Variants in SHANK2 observed in about 807,000 individuals in gnomAD.
The protein encoded by SHANK2 is SH3 and multiple ankyrin repeat domains 2.
Under a neutral mutation model 133.7 loss-of-function variants are expected in SHANK2, and 43 were observed. The ratio of observed to expected loss-of-function variants is 0.32; its 90% confidence interval spans 0.25 to 0.41. SHANK2 has a LOEUF of 0.41. Ranked by LOEUF, SHANK2 falls within the 10% of genes least tolerant of loss-of-function variation. The pLI is 1.00. For missense variants in SHANK2, 1,994 were observed against 2,235.8 expected (o/e 0.89, Z 2.18); for synonymous variants, 1,017 against 952.8 (o/e 1.07, Z -1.24).
intron 11 of SHANK2, among the ~76,000 whole-genome samples, chr11:70,849,625 T>A (rs1949052916): frequency 6.6e-6 from 1 of 152,212 alleles, no homozygotes; most frequent in Admixed American, 6.5e-5. Context: ...AATATACATG[T>A]TAGCATGCAG....
intron 25 of SHANK2, among the ~76,000 whole-genome samples, chr11:70,483,630 G>A (rs1431280529): frequency 6.6e-6 from 1 of 151,616 alleles, no homozygotes; most frequent in Non-Finnish European, 1.5e-5. Context: ...TGTGAGGATT[G>A]CTTAAGCCCA....
chr11:70,489,542 G>T (rs890536404), intron 23 of SHANK2, 194 bp from the exon 24 acceptor site: 18 of 646,506 alleles, frequency 2.8e-5, no homozygotes, highest in Non-Finnish European at 4.8e-5. Flanking sequence ...GCAGCCCAGA[G>T]GCATTTCCAG....
At chr11:70,663,912 T>C (rs11237107) in intron 15 of SHANK2, among the ~76,000 whole-genome samples, 5,559 of 152,284 alleles carry the variant, frequency 0.037, 353 homozygotes, top group African/African-American at 0.13. Context: ...TCAGTTTCCC[T>C]GCACAGCAAG....
At chr11:70,523,736 G>T (rs555318318) in intron 17 of SHANK2, among the ~76,000 whole-genome samples, 1 of 152,302 alleles carries the variant, frequency 6.6e-6, no homozygotes, top group East Asian at 1.9e-4. Flanking sequence ...CGAATCAGGG[G>T]CTGTACGGGA....
chr11:70,585,331 C>G (rs1164681313), intron 17 of SHANK2, among the ~76,000 whole-genome samples: 1 of 152,158 alleles, frequency 6.6e-6, no homozygotes, highest in Non-Finnish European at 1.5e-5. Context: ...GAATTTGGGA[C>G]CAGTGACAAT....
intron 1 of SHANK2, among the ~76,000 whole-genome samples, chr11:71,233,501 T>C (rs545489598): frequency 8.6e-4 from 131 of 152,226 alleles, no homozygotes; most frequent in Middle Eastern, 3.4e-3. Flanking sequence ...GCAATGCTGA[T>C]GGTTTTGGCG....
At chr11:70,876,608 CACGCACACACACACAT>C (rs1194782039) in intron 11 of SHANK2, among the ~76,000 whole-genome samples, 6 of 150,060 alleles carry the variant, frequency 4.0e-5, no homozygotes, top group African/African-American at 1.5e-4. Context: ...CACACACACA[CACGCACACACACACAT>C]GCATACACAT....
intron 14 of SHANK2, among the ~76,000 whole-genome samples, chr11:70,787,520 A>G (rs1270194375): frequency 6.8e-6 from 1 of 147,436 alleles, no homozygotes; most frequent in African/African-American, 2.5e-5. Flanking sequence ...CATCACCAAG[A>G]CCACCACCAC....
intron 10 of SHANK2, among the ~76,000 whole-genome samples, chr11:70,908,362 A>T (rs1950139304): frequency 6.6e-6 from 1 of 152,224 alleles, no homozygotes; most frequent in Admixed American, 6.5e-5. Flanking sequence ...ATCCCCCAGC[A>T]GACCAGGCTG....
chr11:70,767,899 C>T (rs1441542613), intron 14 of SHANK2, among the ~76,000 whole-genome samples: 1 of 152,154 alleles, frequency 6.6e-6, no homozygotes, highest in Non-Finnish European at 1.5e-5. Flanking sequence ...CTCAGATATG[C>T]CAGTGCTCCC....
intron 14 of SHANK2, among the ~76,000 whole-genome samples, chr11:70,723,497 A>G (rs1199113768): frequency 1.3e-5 from 2 of 152,162 alleles, no homozygotes; most frequent in Non-Finnish European, 2.9e-5. Flanking sequence ...AGAGCTTGGA[A>G]GTGGACCCTT....
intron 13 of SHANK2, among the ~76,000 whole-genome samples, chr11:70,803,168 C>G (rs1203397743): frequency 6.6e-6 from 1 of 151,776 alleles, no homozygotes; most frequent in Non-Finnish European, 1.5e-5. Context: ...TGGGACAAAA[C>G]ACACACTGCT....
intron 22 of SHANK2, among the ~76,000 whole-genome samples, chr11:70,490,700 C>T (rs1426512411): frequency 6.6e-6 from 1 of 152,238 alleles, no homozygotes; most frequent in African/African-American, 2.4e-5. Context: ...AGATACGTCT[C>T]TCTGAGAGGG....
chr11:71,231,731 A>T (rs895969482), intron 1 of SHANK2, among the ~76,000 whole-genome samples: 2 of 152,160 alleles, frequency 1.3e-5, no homozygotes, highest in African/African-American at 4.8e-5. Flanking sequence ...TCTACTAAAA[A>T]TACATAAATT....
At chr11:70,877,994 G>A (rs1209911280) in intron 11 of SHANK2, among the ~76,000 whole-genome samples, 2 of 152,244 alleles carry the variant, frequency 1.3e-5, no homozygotes, top group Admixed American at 6.5e-5. Flanking sequence ...TTTGTGCAGC[G>A]TGAGTCCGGC....
At chr11:70,858,676 G>A (rs757295457) in intron 11 of SHANK2, among the ~76,000 whole-genome samples, 1 of 152,186 alleles carries the variant, frequency 6.6e-6, no homozygotes, top group Non-Finnish European at 1.5e-5. Context: ...CTCCTTAAAG[G>A]TTCTCCCCAT....
At chr11:70,861,685 A>G (rs1470166334) in intron 11 of SHANK2, among the ~76,000 whole-genome samples, 1 of 152,178 alleles carries the variant, frequency 6.6e-6, no homozygotes, top group Non-Finnish European at 1.5e-5. Context: ...TCCTCTGGGC[A>G]GGTGCAAATA....
intron 10 of SHANK2, among the ~76,000 whole-genome samples, chr11:70,940,591 C>T (rs1950633477): frequency 6.6e-6 from 1 of 151,968 alleles, no homozygotes; most frequent in Admixed American, 6.6e-5. Context: ...GCATCTCTCC[C>T]ATTACCCAGT....
intron 17 of SHANK2, among the ~76,000 whole-genome samples, chr11:70,617,453 C>CGCGAGGAA (rs1187063586): frequency 5.9e-5 from 9 of 151,496 alleles, no homozygotes; most frequent in African/African-American, 2.2e-4. Flanking sequence ...AAGAAAGAAA[C>CGCGAGGAA]GCGAGGAACG....
Sources: allele counts gnomAD v4.1 joint callset (sites outside exome capture counted in the v4.1 genomes callset), GRCh38; gene constraint gnomAD v4.1.1; transcripts MANE v1.5; gene names NCBI Gene and HGNC (gene_info 2026-07-23, HGNC 2026-07-21).